DRP2: variants seen among roughly 807,000 people sequenced by gnomAD.
DRP2 encodes dystrophin related protein 2.
A neutral mutation model predicts 78.2 loss-of-function variants in DRP2; 29 were observed. The observed-to-expected ratio is 0.37, with a 90% CI of 0.28 to 0.51. DRP2 has a LOEUF of 0.51. Ranked by LOEUF, DRP2 falls within the 20% of genes least tolerant of loss-of-function variation. DRP2 has a pLI of 0.94. For synonymous variants in DRP2, 290 were observed against 281.9 expected (o/e 1.03, Z -0.29); for missense variants, 686 against 770.6 (o/e 0.89, Z 1.30).
rs57462386 is a variant in DRP2 at position 101,237,772 on chromosome X, T to C, written c.435T>C (p.His145=). The change falls in exon 5 of 24, where the codon CAT becomes CAC. Residue 145 remains histidine (H), a synonymous_variant. Coordinates refer to ENST00000395209, the MANE Select transcript of DRP2 (RefSeq NM_001939.3). ...VALVQQEKET[H]AAFMEEVKSR... is the part of the protein sequence containing the mutation. ...TGGTGCAACAGGAGAAGGAGACACA[T>C]GCGGTAGGTTAGAATCAGAGAAGCC... 2.5e-3 allele frequency: 2,819 copies of C among 1,137,839 alleles called. 37 individuals are homozygous for C. The African/African-American group carries it at 0.046, about 18-fold the overall frequency. 93.8% of individuals were successfully genotyped at this position (1,137,839 alleles called of 1,213,427 possible).
At position 101,254,430 on chromosome X, in the gene DRP2, A is replaced by G. The variant is rs772626932; in HGVS notation, c.1983A>G (p.Thr661=). 1 of 1,211,835 alleles carries G rather than the reference A, an allele frequency of 8.3e-7. No homozygotes were observed. The highest frequency in any genetic ancestry group is 1.1e-6 in the Non-Finnish European group (1 of 895,513). Residue 661 remains threonine, a synonymous_variant, in exon 18 of 24, where the codon ACA becomes ACG. Coordinates refer to ENST00000395209, the MANE Select transcript of DRP2 (RefSeq NM_001939.3). ...CTGCCCTGTCTCCTCCTCAGACCAC[A>G]TCCAGTGAGAACATGAGGGACTTTG... The part of the protein sequence containing the change: ...YPIMEYYTPT[T]SSENMRDFAT...
At chrX:101,241,501 C>G (rs1318961836) in intron 6 of DRP2, among the ~76,000 whole-genome samples, 167 bp from the exon 7 acceptor site, 1 of 110,471 alleles carries the variant, frequency 9.1e-6, no homozygotes, top group African/African-American at 3.3e-5. Context: ...TATTAAAGGG[C>G]TCAACCATGG....
intron 16 of DRP2, 62 bp downstream of exon 16, chrX:101,251,145 G>C (rs1047685932): frequency 1.9e-6 from 2 of 1,044,885 alleles, no homozygotes; most frequent in Non-Finnish European, 2.6e-6. Context: ...ATATAACTCA[G>C]ATATTAAAAA....
chrX:101,228,019 T>C (rs199620688), intron 2 of DRP2, among the ~76,000 whole-genome samples: 3 of 112,356 alleles, frequency 2.7e-5, no homozygotes, highest in Admixed American at 9.4e-5. Context: ...AAACGCAAAG[T>C]AATCCTCAAA....
Position 101,250,442 on chromosome X carries a change from C to T in DRP2, c.1560C>T (p.Ala520=), listed in dbSNP as rs1341933624. The change falls in exon 15 of 24, where the codon GCC becomes GCT. Residue 520 remains alanine (A), a synonymous_variant. Coordinates refer to ENST00000395209, the MANE Select transcript of DRP2 (RefSeq NM_001939.3). ...CAGCAGACCTCTTCAGCCAAGTGGC[C>T]AACTCAGGCAGCCAGTGTGACCAGC... ...EKLQYLFSQV[A]NSGSQCDQRH... 2.5e-6 allele frequency: 3 copies of T among 1,211,699 alleles called. No individual in the cohort carries two copies. Among genetic ancestry groups the T allele is most frequent in the Middle Eastern group, 4.6e-4 (2 of 4,332 alleles).
At chrX:101,257,344 C>G (rs1363224027) in intron 21 of DRP2, among the ~76,000 whole-genome samples, 1 of 101,702 alleles carries the variant, frequency 9.8e-6, no homozygotes, top group Non-Finnish European at 2.0e-5. Flanking sequence ...CTTGGAGTAG[C>G]AAGTCTTTAG....
Position 101,227,893 on chromosome X carries a change from A to T in DRP2, c.-64+3187A>T, listed in dbSNP as rs145303208. On this transcript the variant is annotated intron_variant, in intron 2 of 23. Transcript: ENST00000395209. ...CAGTAGAGGAATAAGAAAGAATCTT[A>T]TAATCTGGAGAGAAATGAATCTCAA... Among the ~76,000 whole-genome samples the T allele has an allele frequency of 8.8e-4, 99 of 112,421 alleles. 1 individual carries two copies. Among genetic ancestry groups the T allele is most frequent in the African/African-American group, 3.0e-3 (94 of 30,995 alleles).
At chrX:101,224,181 GGTTTTTTTTGTTTTTTTTTTTT>G (rs1222381070) in intron 1 of DRP2, among the ~76,000 whole-genome samples, 6 of 47,654 alleles carry the variant, frequency 1.3e-4, no homozygotes, top group African/African-American at 4.9e-4. Context: ...ATGTTTGCTG[GGTTTTTTTTGTTTTTTTTTTTT>G]TTTTTTTTTT....
At chrX:101,230,807 A>G (rs1484058227) in intron 2 of DRP2, among the ~76,000 whole-genome samples, 7 of 110,900 alleles carry the variant, frequency 6.3e-5, no homozygotes, top group Admixed American at 2.9e-4. Context: ...CTCTTTCATG[A>G]CTCACCTCAA....
chrX:101,246,393 A>G (rs370251500), intron 11 of DRP2, among the ~76,000 whole-genome samples: 127 of 112,901 alleles, frequency 1.1e-3, no homozygotes, highest in African/African-American at 3.9e-3. Flanking sequence ...ATGCTGATGC[A>G]TGTGACTACA....
chrX:101,250,769 C>A, intron 15 of DRP2, 148 bp from the exon 16 acceptor site: 1 of 925,852 alleles, frequency 1.1e-6, no homozygotes, highest in Non-Finnish European at 1.5e-6. Context: ...AGGGTGTCAG[C>A]TCAACTAGCA....
chrX:101,254,855 C>G lies in DRP2; in HGVS notation c.2115-4C>G. ...TCCTCCGAGTCTTTGCTGCTTTCTT[C>G]TAGGCCGGCTTCTTCCCCGATGTGG... is the stretch of plus-strand genomic sequence containing the variant. On this transcript the variant is annotated splice_polypyrimidine_tract_variant and splice_region_variant and intron_variant, in intron 18 of 23. Transcript: ENST00000395209. 8.3e-7 allele frequency: 1 copy of G among 1,211,968 alleles called. No individual in the cohort carries two copies. The highest frequency in any genetic ancestry group is 1.1e-6 in the Non-Finnish European group (1 of 895,570).
intron 15 of DRP2, 121 bp from the exon 16 acceptor site, chrX:101,250,796 C>A: frequency 1.0e-6 from 1 of 991,621 alleles, no homozygotes; most frequent in Non-Finnish European, 1.4e-6. Context: ...AGAACGTGAA[C>A]ATCTCTGGAG....
intron 6 of DRP2, among the ~76,000 whole-genome samples, chrX:101,240,121 G>C (rs1022357217): frequency 5.8e-4 from 65 of 112,329 alleles, no homozygotes; most frequent in African/African-American, 2.1e-3. Flanking sequence ...CAACATCGAG[G>C]GACATGCAAA....
At chrX:101,253,115 GGT>G (rs771980288) in intron 17 of DRP2, among the ~76,000 whole-genome samples, 2 of 111,801 alleles carry the variant, frequency 1.8e-5, no homozygotes, top group Admixed American at 9.5e-5. Context: ...TTCTGTACTG[GGT>G]CACTCAGTCT....
chrX:101,248,416 C>A (rs771653262), intron 13 of DRP2, 98 bp from the exon 14 acceptor site: 90 of 1,115,456 alleles, frequency 8.1e-5, no homozygotes, highest in Non-Finnish European at 1.1e-4. Flanking sequence ...ATGGTTGGAA[C>A]AGGGCCCTGC....
Position 101,237,709 on chromosome X carries a change from G to A in DRP2, c.372G>A (p.Glu124=). 1 of 1,179,477 alleles carries A rather than the reference G, an allele frequency of 8.5e-7. No individual in the cohort carries two copies. The highest frequency in any genetic ancestry group is 1.1e-6 in the Non-Finnish European group (1 of 875,286). ...IIDWLSQKDE[E]LSAQLPLQGD... ...ACTGGCTCAGCCAAAAGGATGAGGA[G>A]TTGTCAGCTCAGCTGCCCCTACAGG... Residue 124 remains glutamate, a synonymous_variant, in exon 5 of 24, where the codon GAG becomes GAA. Coordinates refer to ENST00000395209, the MANE Select transcript of DRP2 (RefSeq NM_001939.3).
At chrX:101,251,129 T>A (rs1923127627) in intron 16 of DRP2, 46 bp downstream of exon 16, 2 of 1,090,891 alleles carry the variant, frequency 1.8e-6, no homozygotes, top group African/African-American at 3.7e-5. Flanking sequence ...AAATATGTCA[T>A]GTGACATATA....
chrX:101,244,894 T>C (rs1295352304), intron 9 of DRP2, 123 bp from the exon 10 acceptor site: 1 of 607,601 alleles, frequency 1.6e-6, no homozygotes, highest in African/African-American at 2.3e-5. Context: ...GAGCTGGCAA[T>C]GAAATTCAGA....
Sources: allele counts gnomAD v4.1 joint callset (sites outside exome capture counted in the v4.1 genomes callset), GRCh38; gene constraint gnomAD v4.1.1; transcripts MANE v1.5; gene names NCBI Gene and HGNC (gene_info 2026-07-23, HGNC 2026-07-21).